Variants in SMARCC1 observed in about 807,000 individuals in gnomAD.
The protein encoded by SMARCC1 is SWI/SNF complex subunit SMARCC1.
In SMARCC1, 43 loss-of-function variants were observed where a neutral mutation model predicts 147.4. That is an observed-to-expected ratio of 0.29 (90% confidence interval 0.23 to 0.38). The LOEUF is 0.38. Among genes scored for constraint, SMARCC1 ranks in the 10% least tolerant of loss-of-function variants. The pLI is 1.00. For missense variants in SMARCC1, 1,119 were observed against 1,381.1 expected, an observed-to-expected ratio of 0.81 and a Z score of 3.01; for synonymous variants, 495 against 484.4, an observed-to-expected ratio of 1.02 and a Z score of -0.29.
At chr3:47,649,313 A>G (rs180841331) in intron 21 of SMARCC1, among the ~76,000 whole-genome samples, 1 of 152,274 alleles carries the variant, frequency 6.6e-6, no homozygotes. Flanking sequence ...GCTACTTATA[A>G]GCTATGAATA....
chr3:47,707,511 A>C (rs1336588525), intron 9 of SMARCC1, among the ~76,000 whole-genome samples: 1 of 152,190 alleles, frequency 6.6e-6, no homozygotes, highest in African/African-American at 2.4e-5. Context: ...CATAAAGAAA[A>C]AAACACCTAA....
intron 1 of SMARCC1, among the ~76,000 whole-genome samples, chr3:47,776,016 T>C (rs2034970481): frequency 6.6e-6 from 1 of 151,700 alleles, no homozygotes; most frequent in Non-Finnish European, 1.5e-5. Context: ...GGCATGGTGG[T>C]GCATGCCTAT....
At chr3:47,727,247 G>A (rs1015957824) in intron 6 of SMARCC1, among the ~76,000 whole-genome samples, 2 of 151,748 alleles carry the variant, frequency 1.3e-5, no homozygotes, top group East Asian at 1.9e-4. Flanking sequence ...GGTGGCTAAC[G>A]CCTATAATCC....
chr3:47,773,775 G>A (rs773545395), intron 1 of SMARCC1, among the ~76,000 whole-genome samples: 4 of 151,592 alleles, frequency 2.6e-5, no homozygotes, highest in Non-Finnish European at 5.9e-5. Context: ...GACTACAGGC[G>A]CGCAACCACC....
intron 27 of SMARCC1, among the ~76,000 whole-genome samples, chr3:47,589,170 A>C (rs1339197637): frequency 6.6e-6 from 1 of 152,192 alleles, no homozygotes. Flanking sequence ...CTTTCAGTGG[A>C]GGAAATGAAG....
chr3:47,676,351 C>G (rs2033573140), intron 17 of SMARCC1, among the ~76,000 whole-genome samples: 1 of 152,000 alleles, frequency 6.6e-6, no homozygotes, highest in South Asian at 2.1e-4. Flanking sequence ...TTTTTGATGA[C>G]AGAAGGATAA....
intron 19 of SMARCC1, among the ~76,000 whole-genome samples, chr3:47,667,296 CG>C (rs2033434320): frequency 1.4e-5 from 2 of 139,830 alleles, no homozygotes; most frequent in Non-Finnish European, 3.1e-5. Context: ...CCAGCCTGGG[CG>C]ACAGAGCGAG....
intron 25 of SMARCC1, among the ~76,000 whole-genome samples, chr3:47,614,281 C>A (rs1335278858): frequency 6.6e-6 from 1 of 152,206 alleles, no homozygotes. Context: ...TGTGACTTGT[C>A]ATTTTATCTT....
chr3:47,678,164 A>G, intron 16 of SMARCC1, 34 bp downstream of exon 16: 1 of 1,244,280 alleles, frequency 8.0e-7, no homozygotes, highest in Non-Finnish European at 1.2e-6. Flanking sequence ...AAATTCCTAC[A>G]GTTAAATGTC....
chr3:47,712,366 C>A (rs1177684161), intron 8 of SMARCC1, among the ~76,000 whole-genome samples: 1 of 150,510 alleles, frequency 6.6e-6, no homozygotes, highest in Admixed American at 6.6e-5. Flanking sequence ...AAATAAATGT[C>A]AAAATAGTGT....
At chr3:47,619,951 C>G (rs1454886318) in intron 25 of SMARCC1, among the ~76,000 whole-genome samples, 1 of 152,176 alleles carries the variant, frequency 6.6e-6, no homozygotes, top group African/African-American at 2.4e-5. Context: ...CACTAAGAAA[C>G]ACTTTAAATA....
At chr3:47,609,460 G>A (rs866277461) in intron 26 of SMARCC1, among the ~76,000 whole-genome samples, 1 of 151,444 alleles carries the variant, frequency 6.6e-6, no homozygotes, top group African/African-American at 2.4e-5. Flanking sequence ...TCGCGCCACT[G>A]CACTCCAGCC....
intron 21 of SMARCC1, among the ~76,000 whole-genome samples, chr3:47,659,028 G>C (rs997083017): frequency 6.7e-6 from 1 of 149,240 alleles, no homozygotes; most frequent in Non-Finnish European, 1.5e-5. Flanking sequence ...TGAGCAGGGA[G>C]AATTGCTTGA....
At chr3:47,674,184 T>C (rs2033540022) in intron 18 of SMARCC1, among the ~76,000 whole-genome samples, 1 of 152,266 alleles carries the variant, frequency 6.6e-6, no homozygotes, top group Non-Finnish European at 1.5e-5. Flanking sequence ...CCAAATATTA[T>C]TGTTTAAACA....
intron 12 of SMARCC1, among the ~76,000 whole-genome samples, chr3:47,689,911 AT>A (rs1414511298): frequency 2.8e-4 from 42 of 152,240 alleles, no homozygotes; most frequent in African/African-American, 9.9e-4. Context: ...TAGACAGTTG[AT>A]TTCCACAATG....
chr3:47,758,789 T>C (rs2034735219), intron 2 of SMARCC1, among the ~76,000 whole-genome samples: 1 of 151,882 alleles, frequency 6.6e-6, no homozygotes, highest in Non-Finnish European at 1.5e-5. Context: ...AATCCTACGT[T>C]TTGGGAGGCT....
intron 10 of SMARCC1, among the ~76,000 whole-genome samples, chr3:47,702,915 C>A (rs779992914): frequency 6.6e-6 from 1 of 151,288 alleles, no homozygotes; most frequent in Non-Finnish European, 1.5e-5. Context: ...GTTTTGTTTT[C>A]TTTTCTTTTG....
chr3:47,647,040 T>C (rs1396290778), intron 21 of SMARCC1, among the ~76,000 whole-genome samples: 2 of 152,368 alleles, frequency 1.3e-5, no homozygotes, highest in East Asian at 3.9e-4. Context: ...CACTAAGATG[T>C]TATTTGCCTT....
chr3:47,757,550 G>GTA (rs1214792031), intron 2 of SMARCC1, among the ~76,000 whole-genome samples: 1 of 152,100 alleles, frequency 6.6e-6, no homozygotes, highest in Non-Finnish European at 1.5e-5. Context: ...GCCAAGGCAG[G>GTA]TGGATCATGA....
Sources: gnomAD v4.1 joint callset for allele counts (sites outside exome capture counted in the v4.1 genomes callset) on GRCh38, gnomAD v4.1.1 for gene constraint, MANE v1.5 for transcripts, NCBI Gene and HGNC (gene_info 2026-07-23, HGNC 2026-07-21) for gene names.